NTM: variants seen among roughly 807,000 people sequenced by gnomAD.
NTM encodes neurotrimin.
A neutral mutation model predicts 42.1 loss-of-function variants in NTM; 13 were observed. The observed-to-expected ratio is 0.31, with a 90% confidence interval of 0.20 to 0.49. The LOEUF (loss-of-function observed/expected upper bound fraction) is 0.49. Ranked by LOEUF, NTM falls within the 20% of genes least tolerant of loss-of-function variation. The probability of loss-of-function intolerance (pLI) is 0.99; values close to 1 mark genes in which losing one functional copy is unlikely to be tolerated. For missense variants in NTM, 373 were observed against 452.8 expected, an observed-to-expected ratio of 0.82 and a Z score of 1.60; for synonymous variants, 187 against 179.2, an observed-to-expected ratio of 1.04 and a Z score of -0.35.
intron 1 of NTM, among the ~76,000 whole-genome samples, chr11:131,708,158 G>A (rs1460263382): frequency 6.6e-6 from 1 of 152,064 alleles, no homozygotes; most frequent in Non-Finnish European, 1.5e-5. Flanking sequence ...AACAATCAAT[G>A]TGGGTAAATA....
intron 4 of NTM, among the ~76,000 whole-genome samples, chr11:132,220,462 T>G (rs758979160): frequency 1.3e-5 from 2 of 152,224 alleles, no homozygotes; most frequent in African/African-American, 4.8e-5. Flanking sequence ...AAAGCATTAT[T>G]ATAGCTGTGT....
intron 1 of NTM, among the ~76,000 whole-genome samples, chr11:131,892,413 C>A (rs2051509289): frequency 6.6e-6 from 1 of 152,222 alleles, no homozygotes; most frequent in Non-Finnish European, 1.5e-5. Flanking sequence ...GTGTGAATTA[C>A]AATTGTGTGC....
intron 1 of NTM, among the ~76,000 whole-genome samples, chr11:131,852,364 C>T (rs1230304216): frequency 6.6e-6 from 1 of 152,224 alleles, no homozygotes; most frequent in Non-Finnish European, 1.5e-5. Context: ...ACAACAGAGG[C>T]TCCCACACAC....
intron 1 of NTM, among the ~76,000 whole-genome samples, chr11:131,444,213 A>G (rs1949854092): frequency 6.7e-6 from 1 of 150,288 alleles, no homozygotes; most frequent in Non-Finnish European, 1.5e-5. Context: ...CAAAAAAAAA[A>G]AAAAAAAAAA....
chr11:131,905,666 C>G (rs2053760958), intron 1 of NTM, among the ~76,000 whole-genome samples: 1 of 152,044 alleles, frequency 6.6e-6, no homozygotes, highest in Non-Finnish European at 1.5e-5. Context: ...ACAGTTGTAT[C>G]CACTATTTCA....
At chr11:131,751,765 A>AC (rs1252915947) in intron 1 of NTM, among the ~76,000 whole-genome samples, 2,155 of 47,218 alleles carry the variant, frequency 0.046, 18 homozygotes, top group African/African-American at 0.06. Flanking sequence ...TCCCCCCCTC[A>AC]CCCCCCCCCA....
intron 1 of NTM, among the ~76,000 whole-genome samples, chr11:131,874,030 A>AATATAATATAATATAATATAATAT (rs1491528420): frequency 3.9e-5 from 3 of 76,634 alleles, no homozygotes; most frequent in African/African-American, 1.1e-4. Flanking sequence ...AATATAATAT[A>AATATAATATAATATAATATAATAT]ATATATATAT....
intron 1 of NTM, among the ~76,000 whole-genome samples, chr11:131,699,440 G>A (rs927805353): frequency 7.9e-5 from 12 of 152,142 alleles, no homozygotes; most frequent in African/African-American, 2.9e-4. Context: ...GGGTTGCAAA[G>A]GAGAAGCATC....
chr11:131,754,593 C>A (rs1406436397), intron 1 of NTM, among the ~76,000 whole-genome samples: 7 of 150,396 alleles, frequency 4.7e-5, no homozygotes, highest in African/African-American at 1.5e-4. Flanking sequence ...CCACTGCACT[C>A]CAGCCTGGGC....
chr11:131,401,860 A>ATATATATATTTT (rs1350900091), intron 1 of NTM, among the ~76,000 whole-genome samples: 3 of 107,706 alleles, frequency 2.8e-5, no homozygotes. Flanking sequence ...ATATATATAT[A>ATATATATATTTT]TTTTAATTTA....
At chr11:131,794,613 T>C in intron 1 of NTM, 1 of 949,832 alleles carries the variant, frequency 1.1e-6, no homozygotes, top group Non-Finnish European at 1.2e-6. Context: ...AAATAAGTGC[T>C]GGATGAGTGT....
chr11:132,172,777 C>G (rs149362335), intron 3 of NTM, among the ~76,000 whole-genome samples: 1 of 152,310 alleles, frequency 6.6e-6, no homozygotes, highest in African/African-American at 2.4e-5. Flanking sequence ...CCTTTTGATG[C>G]TGTCAGAAAC....
At chr11:132,240,547 T>C (rs2090016344) in intron 4 of NTM, among the ~76,000 whole-genome samples, 1 of 152,238 alleles carries the variant, frequency 6.6e-6, no homozygotes, top group African/African-American at 2.4e-5. Context: ...CAATGAGGGA[T>C]TGTCCTGTTC....
chr11:131,830,992 AG>A (rs1325354718), intron 1 of NTM, among the ~76,000 whole-genome samples: 4 of 152,200 alleles, frequency 2.6e-5, no homozygotes, highest in Non-Finnish European at 5.9e-5. Context: ...ATTGGTGTAT[AG>A]AAATGCTACT....
intron 4 of NTM, among the ~76,000 whole-genome samples, chr11:132,219,298 C>T (rs760699213): frequency 6.6e-6 from 1 of 152,090 alleles, no homozygotes; most frequent in Admixed American, 6.5e-5. Context: ...AACTATGGCA[C>T]CTCTTACAGG....
chr11:131,523,808 ATAAG>A (rs1398318212), intron 1 of NTM, among the ~76,000 whole-genome samples: 1 of 150,418 alleles, frequency 6.6e-6, no homozygotes. Flanking sequence ...AAAAAAAAGA[ATAAG>A]AAGAAGAAAA....
intron 1 of NTM, among the ~76,000 whole-genome samples, chr11:131,905,980 G>T (rs2053801462): frequency 6.6e-6 from 1 of 152,172 alleles, no homozygotes; most frequent in African/African-American, 2.4e-5. Flanking sequence ...GTTCTCAAGG[G>T]CCTATAGGGG....
At chr11:132,101,160 C>A (rs956161504) in intron 2 of NTM, among the ~76,000 whole-genome samples, 2 of 152,146 alleles carry the variant, frequency 1.3e-5, no homozygotes, top group Non-Finnish European at 2.9e-5. Flanking sequence ...CCTCTATGGA[C>A]TTGAGTGGCT....
intron 3 of NTM, among the ~76,000 whole-genome samples, chr11:132,178,410 T>A (rs988240554): frequency 2.0e-5 from 3 of 152,188 alleles, no homozygotes; most frequent in African/African-American, 7.2e-5. Context: ...AAAAAGAAAT[T>A]TCCAGCCTAA....
Sources: allele counts gnomAD v4.1 joint callset (sites outside exome capture counted in the v4.1 genomes callset), GRCh38; gene constraint gnomAD v4.1.1; transcripts MANE v1.5; gene names NCBI Gene and HGNC (gene_info 2026-07-23, HGNC 2026-07-21).